PIK3AP1: variants seen among roughly 807,000 people sequenced by gnomAD.
The protein encoded by PIK3AP1 is phosphoinositide 3-kinase adapter protein 1.
PIK3AP1 carries 21 observed loss-of-function variants against 88.1 expected under a neutral mutation model. That is an observed-to-expected ratio of 0.24 (90% CI 0.17 to 0.34). The LOEUF is 0.34. Ranked by LOEUF, PIK3AP1 falls within the 10% of genes least tolerant of loss-of-function variation. The pLI, the probability that PIK3AP1 is intolerant of heterozygous loss-of-function variation, is 1.00. For missense variants in PIK3AP1, 828 were observed against 1,035.7 expected, an observed-to-expected ratio of 0.80 and a Z score of 2.75; for synonymous variants, 398 against 400.0, an observed-to-expected ratio of 1.00 and a Z score of 0.06.
At chr10:96,698,454 G>A (rs536073273) in intron 2 of PIK3AP1, among the ~76,000 whole-genome samples, 14 of 151,806 alleles carry the variant, frequency 9.2e-5, no homozygotes, top group Admixed American at 6.6e-4. Context: ...AGTTTGAGAC[G>A]AGCCTGGCTA....
At chr10:96,611,157 G>A (rs923214855) in intron 13 of PIK3AP1, among the ~76,000 whole-genome samples, 7 of 152,218 alleles carry the variant, frequency 4.6e-5, no homozygotes, top group African/African-American at 9.6e-5. Context: ...AACATTCTGC[G>A]CAGAGAATGA....
chr10:96,658,623 G>A (rs908186182), intron 2 of PIK3AP1, among the ~76,000 whole-genome samples: 2 of 152,130 alleles, frequency 1.3e-5, no homozygotes, highest in East Asian at 1.9e-4. Context: ...TGGAGGTCCC[G>A]TCCCAGAGCC....
intron 2 of PIK3AP1, among the ~76,000 whole-genome samples, chr10:96,691,198 T>C (rs1277435697): frequency 6.6e-6 from 1 of 152,178 alleles, no homozygotes; most frequent in Non-Finnish European, 1.5e-5. Context: ...GGCTTGTCTG[T>C]ACCTCCCCGA....
At chr10:96,707,989 T>A (rs1170144145) in intron 2 of PIK3AP1, among the ~76,000 whole-genome samples, 1 of 152,226 alleles carries the variant, frequency 6.6e-6, no homozygotes, top group Non-Finnish European at 1.5e-5. Context: ...GACGTGGTCA[T>A]GTTTATTGGT....
intron 16 of PIK3AP1, among the ~76,000 whole-genome samples, chr10:96,601,971 C>T (rs866212549): frequency 2.0e-5 from 3 of 152,226 alleles, no homozygotes; most frequent in Middle Eastern, 3.4e-3. Flanking sequence ...GCAACCTCTG[C>T]CTCCCGGGTT....
intron 6 of PIK3AP1, among the ~76,000 whole-genome samples, chr10:96,650,382 C>T (rs1843520456): frequency 6.6e-6 from 1 of 152,178 alleles, no homozygotes; most frequent in African/African-American, 2.4e-5. Flanking sequence ...AATAGGCATC[C>T]TGTCCAGAAC....
intron 11 of PIK3AP1, among the ~76,000 whole-genome samples, chr10:96,622,468 G>T (rs1277236354): frequency 6.6e-6 from 1 of 152,138 alleles, no homozygotes; most frequent in Non-Finnish European, 1.5e-5. Flanking sequence ...ATAACATGAA[G>T]AAAAAAGAGA....
chr10:96,620,130 T>C (rs568324210), intron 12 of PIK3AP1, among the ~76,000 whole-genome samples: 3 of 152,284 alleles, frequency 2.0e-5, no homozygotes, highest in South Asian at 2.1e-4. Context: ...TCAAGCCTCA[T>C]GGTACCTGGA....
intron 1 of PIK3AP1, among the ~76,000 whole-genome samples, chr10:96,710,432 G>A (rs1844424210): frequency 6.6e-6 from 1 of 152,002 alleles, no homozygotes; most frequent in Non-Finnish European, 1.5e-5. Flanking sequence ...ATGTTGGCCA[G>A]GCTAGTCTTG....
chr10:96,679,757 A>G (rs896270284), intron 2 of PIK3AP1, among the ~76,000 whole-genome samples: 1 of 152,166 alleles, frequency 6.6e-6, no homozygotes, highest in African/African-American at 2.4e-5. Context: ...CCATTTCTCT[A>G]TTCTACCATC....
intron 2 of PIK3AP1, among the ~76,000 whole-genome samples, chr10:96,658,063 C>CAAAAA (rs10706863): frequency 1.1e-4 from 13 of 113,916 alleles, no homozygotes; most frequent in Non-Finnish European, 1.7e-4. Context: ...AACTCCATCT[C>CAAAAA]AAAAAAAAAA....
At chr10:96,718,172 A>G (rs1844527136) in intron 1 of PIK3AP1, among the ~76,000 whole-genome samples, 1 of 152,264 alleles carries the variant, frequency 6.6e-6, no homozygotes, top group African/African-American at 2.4e-5. Context: ...TGATACCTAA[A>G]GCATACAAGG....
intron 2 of PIK3AP1, among the ~76,000 whole-genome samples, chr10:96,706,373 T>C (rs1844364575): frequency 6.6e-6 from 1 of 152,198 alleles, no homozygotes; most frequent in African/African-American, 2.4e-5. Flanking sequence ...GAGGAGTATT[T>C]TTTAAAAAGA....
chr10:96,657,678 T>TGC (rs1843633444), intron 2 of PIK3AP1, among the ~76,000 whole-genome samples: 1 of 152,008 alleles, frequency 6.6e-6, no homozygotes, highest in Non-Finnish European at 1.5e-5. Flanking sequence ...TGTGTGTGTG[T>TGC]GCATGCACAT....
chr10:96,709,004 A>G (rs1035061034), intron 2 of PIK3AP1, among the ~76,000 whole-genome samples: 11 of 151,030 alleles, frequency 7.3e-5, no homozygotes, highest in Admixed American at 5.3e-4. Flanking sequence ...ATGGTGGCAC[A>G]CACCTGTAAT....
intron 2 of PIK3AP1, among the ~76,000 whole-genome samples, chr10:96,698,080 A>G (rs1248687040): frequency 6.6e-6 from 1 of 152,164 alleles, no homozygotes; most frequent in African/African-American, 2.4e-5. Context: ...AACTGGGCCC[A>G]AGGCCAAACA....
At chr10:96,598,579 T>G (rs1848824974) in intron 16 of PIK3AP1, among the ~76,000 whole-genome samples, 1 of 152,138 alleles carries the variant, frequency 6.6e-6, no homozygotes, top group Admixed American at 6.5e-5. Flanking sequence ...AAGTCAAAAA[T>G]GGTGTCTCAC....
At chr10:96,601,523 T>C (rs1848895230) in intron 16 of PIK3AP1, among the ~76,000 whole-genome samples, 1 of 147,758 alleles carries the variant, frequency 6.8e-6, no homozygotes, top group Non-Finnish European at 1.5e-5. Flanking sequence ...AGTTAAATAG[T>C]TCTTGCAAGT....
intron 2 of PIK3AP1, among the ~76,000 whole-genome samples, chr10:96,696,799 G>A (rs1844227144): frequency 6.6e-6 from 1 of 152,146 alleles, no homozygotes; most frequent in South Asian, 2.1e-4. Context: ...TATTATTAAT[G>A]CATTTAAAGT....
Sources: allele counts gnomAD v4.1 joint callset (sites outside exome capture counted in the v4.1 genomes callset), GRCh38; gene constraint gnomAD v4.1.1; transcripts MANE v1.5; gene names NCBI Gene and HGNC (gene_info 2026-07-23, HGNC 2026-07-21).